The following DSCAML1 variants were observed in gnomAD, a reference collection of about 807,000 sequenced individuals.
The protein encoded by DSCAML1 is DS cell adhesion molecule like 1, also known as cell adhesion molecule DSCAML1.
DSCAML1 carries 38 observed loss-of-function variants against 200.5 expected under a neutral mutation model. That is an observed-to-expected ratio of 0.19 (90% CI 0.15 to 0.25). The LOEUF (loss-of-function observed/expected upper bound fraction) is 0.25. Among genes scored for constraint, DSCAML1 ranks in the 10% least tolerant of loss-of-function variants. DSCAML1 has a pLI of 1.00. For missense variants in DSCAML1, 2,223 were observed against 2,858.8 expected (o/e 0.78, Z 5.07); for synonymous variants, 1,215 against 1,165.0 (o/e 1.04, Z -0.87).
rs1033067751 is a variant in DSCAML1 at position 117,471,952 on chromosome 11, A to G, written c.2870T>C (p.Val957Ala). 1 of 1,614,038 alleles carries G rather than the reference A, an allele frequency of 6.2e-7. No individual in the cohort carries two copies. Among genetic ancestry groups the G allele is most frequent in the Non-Finnish European group, 8.5e-7 (1 of 1,180,038 alleles). ...ANIVDLHPAS[V>A]YSIRMYSFNK... ...GAAAGAGTACATGCGGATGCTGTAC[A>G]CAGATGCCGGGTGCAAGTCCACAAT... Residue 957 changes from valine to alanine, a missense_variant, in exon 15 of 33, where the codon GTG (valine) becomes GCG (alanine). Transcript: ENST00000651296.
intron 3 of DSCAML1, among the ~76,000 whole-genome samples, chr11:117,753,048 G>C (rs1391122653): frequency 1.3e-5 from 2 of 151,106 alleles, no homozygotes; most frequent in East Asian, 3.9e-4. Flanking sequence ...TTGGAGGGTA[G>C]ACAGACCTGG....
At chr11:117,641,909 A>T (rs1308882837) in intron 3 of DSCAML1, among the ~76,000 whole-genome samples, 1 of 152,078 alleles carries the variant, frequency 6.6e-6, no homozygotes, top group Non-Finnish European at 1.5e-5. Context: ...CGTCTTACCC[A>T]CGAGGGAAAC....
In DSCAML1 at chr11:117,524,815, G is replaced by T; in HGVS notation, c.927C>A (p.Leu309=). The change falls in exon 5 of 33, where the codon CTC becomes CTA. Residue 309 remains leucine (L), a synonymous_variant. Transcript: ENST00000651296. ...TFGSAEATGI[L]MVIDPLHVTL... is the part of the protein sequence containing the mutation. ...GCTTCCCCGACTCACCAATGACCAT[G>T]AGGATGCCTGTGGCCTCTGCCGAAC... The T allele has an allele frequency of 6.3e-7, 1 of 1,583,668 alleles. No homozygotes were observed.
intron 11 of DSCAML1, among the ~76,000 whole-genome samples, chr11:117,488,304 T>C (rs568936997): frequency 2.6e-5 from 4 of 152,316 alleles, no homozygotes; most frequent in African/African-American, 9.6e-5. Flanking sequence ...GTTCAGGGCA[T>C]AGGTGCCTGC....
chr11:117,630,910 GT>G (rs1465811146), intron 3 of DSCAML1, among the ~76,000 whole-genome samples: 1 of 152,104 alleles, frequency 6.6e-6, no homozygotes, highest in Non-Finnish European at 1.5e-5. Context: ...CTGTGCCTTC[GT>G]TTCCTCATCT....
rs1447321578 is a variant in DSCAML1 at position 117,518,928 on chromosome 11, T to C, written c.1214-166A>G. Among the ~76,000 whole-genome samples, 2 of 152,240 alleles carry C rather than the reference T, an allele frequency of 1.3e-5. No homozygotes were observed. Among genetic ancestry groups the C allele is most frequent in the African/African-American group, 4.8e-5 (2 of 41,462 alleles). ...TATCCGCAACCCCAAGTGGTGCCAG[T>C]TACTGCTGTACATGGATTCAGGCTG... On this transcript the variant is annotated intron_variant, in intron 6 of 32. Coordinates refer to ENST00000651296, the MANE Select transcript of DSCAML1 (RefSeq NM_020693.4). The surrounding 1 kb of genome is among the most constrained non-coding windows in gnomAD (Gnocchi z 6.3).
At chr11:117,621,213 G>C (rs2051922877) in intron 3 of DSCAML1, among the ~76,000 whole-genome samples, 1 of 152,202 alleles carries the variant, frequency 6.6e-6, no homozygotes, top group Non-Finnish European at 1.5e-5. Context: ...GCATTGTCAG[G>C]CATGTTACTT....
chr11:117,461,280 G>T (rs1452447083), intron 18 of DSCAML1, among the ~76,000 whole-genome samples, 170 bp downstream of exon 18: 4 of 151,812 alleles, frequency 2.6e-5, no homozygotes, highest in African/African-American at 9.7e-5. Context: ...CTCTCCCCCG[G>T]CCCCTATAGC....
chr11:117,428,825 A>C (rs1182597928), intron 32 of DSCAML1, 22 bp from the exon 33 acceptor site: 2 of 1,565,312 alleles, frequency 1.3e-6, no homozygotes, highest in Non-Finnish European at 1.7e-6. Context: ...GAGGCAGAGG[A>C]TGTTACAGAG....
intron 20 of DSCAML1, among the ~76,000 whole-genome samples, chr11:117,449,377 C>T (rs180984263): frequency 5.9e-4 from 90 of 152,182 alleles, no homozygotes; most frequent in Middle Eastern, 3.4e-3. Context: ...AGTGGGGGGC[C>T]GCAGTCAGTG....
At position 117,469,471 on chromosome 11, in the gene DSCAML1, G is replaced by A. The variant is rs1475537454; in HGVS notation, c.3024+439C>T. ...CCCTTAGAAATGGCTATAGCACATA[G>A]TGGTCTCTTTTCTCTACAGTTTCTC... On this transcript the variant is annotated intron_variant, in intron 16 of 32. Transcript: ENST00000651296. The surrounding 1 kb of genome is among the most constrained non-coding windows in gnomAD (Gnocchi z 4.1). 1.3e-5 allele frequency among the ~76,000 whole-genome samples: 2 copies of A among 152,160 alleles called. No individual in the cohort carries two copies. The highest frequency in any genetic ancestry group is 4.8e-5 in the African/African-American group (2 of 41,438).
At chr11:117,772,116 AG>A (rs2055049544) in intron 3 of DSCAML1, among the ~76,000 whole-genome samples, 2 of 152,110 alleles carry the variant, frequency 1.3e-5, no homozygotes, top group Admixed American at 1.3e-4. Flanking sequence ...GGGACAAAAG[AG>A]GGGCAGGGTG....
intron 21 of DSCAML1, among the ~76,000 whole-genome samples, chr11:117,440,951 G>A (rs2048034024): frequency 6.8e-6 from 1 of 147,012 alleles, no homozygotes. Context: ...AAAAAAAGGA[G>A]TGGTGTCCTC....
At chr11:117,652,300 G>A (rs534540402) in intron 3 of DSCAML1, among the ~76,000 whole-genome samples, 2 of 152,366 alleles carry the variant, frequency 1.3e-5, no homozygotes, top group East Asian at 3.9e-4. Context: ...GAGGTCACCT[G>A]GGCTACGCAT....
intron 3 of DSCAML1, among the ~76,000 whole-genome samples, chr11:117,707,383 T>C (rs2053775049): frequency 6.6e-6 from 1 of 152,156 alleles, no homozygotes; most frequent in African/African-American, 2.4e-5. Flanking sequence ...TCCCTTCAGG[T>C]ACCTCTCCTC....
At chr11:117,635,917 T>G (rs910827543) in intron 3 of DSCAML1, among the ~76,000 whole-genome samples, 4 of 152,158 alleles carry the variant, frequency 2.6e-5, no homozygotes, top group African/African-American at 7.2e-5. Flanking sequence ...TATAAAGGAC[T>G]TGTCCAGGGG....
intron 3 of DSCAML1, among the ~76,000 whole-genome samples, chr11:117,570,337 C>T (rs1192916394): frequency 2.0e-5 from 3 of 152,136 alleles, no homozygotes; most frequent in Non-Finnish European, 4.4e-5. Flanking sequence ...TAGAACATGC[C>T]GTTCTGCTTC....
intron 14 of DSCAML1, among the ~76,000 whole-genome samples, chr11:117,477,880 G>C (rs554036864): frequency 2.6e-5 from 4 of 152,300 alleles, no homozygotes; most frequent in Admixed American, 1.3e-4. Context: ...CAAAGGTGTG[G>C]AAAGGACCGG....
chr11:117,768,308 A>G (rs961937868), intron 3 of DSCAML1, among the ~76,000 whole-genome samples: 18 of 152,172 alleles, frequency 1.2e-4, no homozygotes, highest in Non-Finnish European at 7.4e-5. Context: ...CTGTCATTCT[A>G]TTCAGTTATT....
Sources: allele counts gnomAD v4.1 joint callset (sites outside exome capture counted in the v4.1 genomes callset), GRCh38; gene constraint gnomAD v4.1.1; non-coding constraint Gnocchi (gnomAD v3.1); transcripts MANE v1.5; gene names NCBI Gene and HGNC (gene_info 2026-07-23, HGNC 2026-07-21).